The following FNDC3A variants were observed in gnomAD, a reference collection of about 807,000 sequenced individuals.
FNDC3A encodes fibronectin type-III domain-containing protein 3A.
Under a neutral mutation model 148.9 loss-of-function variants are expected in FNDC3A, and 32 were observed. The ratio of observed to expected loss-of-function variants is 0.21; its 90% CI spans 0.16 to 0.29. The LOEUF (loss-of-function observed/expected upper bound fraction) is 0.29. FNDC3A is among the 10% of genes least tolerant of loss of function. FNDC3A has a pLI of 1.00. For missense variants in FNDC3A, 1,191 were observed against 1,452.8 expected (o/e 0.82, Z 2.93); for synonymous variants, 472 against 473.6 (o/e 1.00, Z 0.04).
chr13:49,201,581 C>T (rs1886419710), intron 23 of FNDC3A, among the ~76,000 whole-genome samples: 3 of 152,124 alleles, frequency 2.0e-5, no homozygotes, highest in Non-Finnish European at 4.4e-5. Flanking sequence ...TTTGGTAAAT[C>T]ATGTCAAATT....
At chr13:49,179,441 T>C (rs1885196503) in intron 14 of FNDC3A, among the ~76,000 whole-genome samples, 1 of 152,328 alleles carries the variant, frequency 6.6e-6, no homozygotes, top group South Asian at 2.1e-4. Context: ...TTGTAAATAC[T>C]GTGTACCCTG....
chr13:49,138,848 T>C (rs1882530677), intron 7 of FNDC3A, 43 bp downstream of exon 7: 1 of 1,042,996 alleles, frequency 9.6e-7, no homozygotes, highest in African/African-American at 1.6e-5. Context: ...ATTTAATATA[T>C]TAGCATAAGA....
intron 3 of FNDC3A, among the ~76,000 whole-genome samples, chr13:49,098,174 G>C (rs1879650139): frequency 6.6e-6 from 1 of 152,064 alleles, no homozygotes; most frequent in African/African-American, 2.4e-5. Flanking sequence ...AAAAAGTTTA[G>C]ATATTATGTA....
At chr13:49,047,458 A>C (rs531897114) in intron 2 of FNDC3A, among the ~76,000 whole-genome samples, 39 of 151,756 alleles carry the variant, frequency 2.6e-4, no homozygotes, top group African/African-American at 9.4e-4. Context: ...AAAAGCATCT[A>C]TTATTTTTTG....
intron 25 of FNDC3A, among the ~76,000 whole-genome samples, chr13:49,206,449 C>G (rs570760804): frequency 6.6e-6 from 1 of 152,062 alleles, no homozygotes; most frequent in South Asian, 2.1e-4. Flanking sequence ...AAAAAATTTG[C>G]AACCTCTGGC....
intron 2 of FNDC3A, among the ~76,000 whole-genome samples, chr13:49,013,563 CGT>C (rs1041757124): frequency 6.6e-6 from 1 of 150,828 alleles, no homozygotes; most frequent in Admixed American, 6.6e-5. Flanking sequence ...CATATGTACA[CGT>C]GTATACATGT....
At chr13:49,017,145 C>T (rs1190481842) in intron 2 of FNDC3A, among the ~76,000 whole-genome samples, 1 of 152,012 alleles carries the variant, frequency 6.6e-6, no homozygotes. Flanking sequence ...GAGTTCAATT[C>T]CTGGGTATCC....
At chr13:49,088,796 C>G (rs1566242159) in intron 3 of FNDC3A, among the ~76,000 whole-genome samples, 2 of 151,984 alleles carry the variant, frequency 1.3e-5, no homozygotes, top group African/African-American at 4.8e-5. Flanking sequence ...AACTCGTAGC[C>G]TCAAGTGATT....
At chr13:49,173,025 A>T (rs915757743) in intron 11 of FNDC3A, among the ~76,000 whole-genome samples, 6 of 152,258 alleles carry the variant, frequency 3.9e-5, no homozygotes. Context: ...TTTTAAAAAA[A>T]TGACAAAAAT....
In FNDC3A at chr13:49,196,902, A is replaced by G. The variant is rs368353457; in HGVS notation, c.2252A>G (p.Asp751Gly). 1.2e-5 allele frequency: 19 copies of G among 1,605,192 alleles called. No homozygotes were observed. The highest frequency in any genetic ancestry group is 1.6e-5 in the Non-Finnish European group (19 of 1,177,168). The change falls in exon 20 of 26, where the codon GAT becomes GGT. Residue 751 changes from aspartate to glycine, a missense_variant. Physicochemically the swap from Asp to Gly is moderately conservative, Grantham distance 94 (BLOSUM62 -1). Transcript: ENST00000492622. ...TTTGGACCATTTTCAGAAAAATGTG[A>G]TATTACTACAGCCCCTGGGCCACCA... ...MGFGPFSEKC[D>G]ITTAPGPPDQ...
chr13:49,178,541 T>A, intron 13 of FNDC3A, 27 bp from the exon 14 acceptor site: 1 of 1,387,358 alleles, frequency 7.2e-7, no homozygotes, highest in Non-Finnish European at 1.0e-6. Context: ...AGACATCGAA[T>A]GAAGACTTTG....
At position 49,042,293 on chromosome 13, in the gene FNDC3A, A is replaced by AT. The variant is rs568860418; in HGVS notation, c.100-32990dup. 3.0e-3 allele frequency among the ~76,000 whole-genome samples: 457 copies of AT among 151,746 alleles called. 3 individuals are homozygous for AT. The highest frequency in any genetic ancestry group is 0.01 in the African/African-American group (429 of 41,388). On this transcript the variant is annotated intron_variant, in intron 2 of 25. Coordinates refer to ENST00000492622, the MANE Select transcript of FNDC3A (RefSeq NM_001079673.2). ...AAAAGGTAAGTACTTTTTTTCTTGT[A>AT]TTTTTTCTCCTGGTTATCTTTGATT... is the stretch of plus-strand genomic sequence containing the variant.
intron 10 of FNDC3A, among the ~76,000 whole-genome samples, chr13:49,171,214 A>G (rs767342354): frequency 9.9e-5 from 15 of 152,204 alleles, no homozygotes; most frequent in Non-Finnish European, 1.8e-4. Flanking sequence ...TTAGACCTCC[A>G]TGTTCATCTG....
At chr13:49,108,467 T>C (rs145564439) in intron 3 of FNDC3A, among the ~76,000 whole-genome samples, 2 of 152,276 alleles carry the variant, frequency 1.3e-5, no homozygotes, top group East Asian at 3.9e-4. Flanking sequence ...TCCTGGGGCA[T>C]GCTGGGGAAA....
chr13:49,003,217 C>G (rs767001115), intron 1 of FNDC3A, among the ~76,000 whole-genome samples: 8 of 152,142 alleles, frequency 5.3e-5, no homozygotes, highest in Non-Finnish European at 1.0e-4. Context: ...AGGCACCTGC[C>G]ACCACACTCA....
chr13:49,012,958 G>C (rs1952387159), intron 2 of FNDC3A, among the ~76,000 whole-genome samples: 1 of 151,950 alleles, frequency 6.6e-6, no homozygotes, highest in South Asian at 2.1e-4. Context: ...CTCAAAGAGA[G>C]TATTTTCAGC....
intron 10 of FNDC3A, among the ~76,000 whole-genome samples, chr13:49,170,042 G>A (rs1884673136): frequency 6.6e-6 from 1 of 152,062 alleles, no homozygotes; most frequent in Admixed American, 6.6e-5. Context: ...AATTAAAATA[G>A]AATTTTGAAA....
intron 2 of FNDC3A, among the ~76,000 whole-genome samples, chr13:49,033,860 A>G (rs975637913): frequency 6.6e-6 from 1 of 152,078 alleles, no homozygotes; most frequent in Non-Finnish European, 1.5e-5. Flanking sequence ...GAGTAAACTT[A>G]AAACTATTAA....
intron 13 of FNDC3A, among the ~76,000 whole-genome samples, chr13:49,177,754 T>C (rs1566308800): frequency 6.6e-6 from 1 of 152,178 alleles, no homozygotes; most frequent in Non-Finnish European, 1.5e-5. Flanking sequence ...TGATGACCTA[T>C]ATGAACCAAC....
Sources: gnomAD v4.1 joint callset for allele counts (sites outside exome capture counted in the v4.1 genomes callset) on GRCh38, gnomAD v4.1.1 for gene constraint, MANE v1.5 for transcripts, NCBI Gene and HGNC (gene_info 2026-07-23, HGNC 2026-07-21) for gene names.